ASAH1: variants seen among roughly 807,000 people sequenced by gnomAD.
The protein encoded by ASAH1 is acid ceramidase.
In ASAH1, 70 loss-of-function variants were observed where a neutral mutation model predicts 59.5. That is an observed-to-expected ratio of 1.18 (90% confidence interval 0.97 to 1.43). The LOEUF (loss-of-function observed/expected upper bound fraction) is 1.43. Ranked by LOEUF, ASAH1 falls within the 40% of genes most tolerant of loss-of-function variation. ASAH1 has a pLI of 0.00. For synonymous variants in ASAH1, 213 were observed against 166.5 expected, an observed-to-expected ratio of 1.28 and a Z score of -2.15; for missense variants, 660 against 482.5, an observed-to-expected ratio of 1.37 and a Z score of -3.45.
At chr8:18,084,468 G>A, upstream of ASAH1, 1 of 1,307,302 alleles carries the variant, frequency 7.6e-7, no homozygotes, top group Non-Finnish European at 1.0e-6. Flanking sequence ...GTACCCAGGC[G>A]TCCTCGGTAC....
Position 18,064,182 on chromosome 8 carries a change from G to C in ASAH1, c.457+275C>G, listed in dbSNP as rs947005756. 1.6e-5 allele frequency: 9 copies of C among 569,048 alleles called. No individual in the cohort carries two copies. In the East Asian group the frequency reaches 2.6e-4, roughly 16 times the overall value. The allele number at this position is 569,048 out of a possible 1,614,324, so 35.2% of individuals were successfully genotyped here. On this transcript the variant is annotated intron_variant, in intron 6 of 13. Transcript: ENST00000637790. ...CATCAAAGCATGTAGATGGGTAGAAGTAAACTATGAGGAAGAGAAGAATGT... is the reference window on the plus strand; with the variant it reads ...CATCAAAGCATGTAGATGGGTAGAACTAAACTATGAGGAAGAGAAGAATGT...
chr8:18,076,240 T>C (rs1396671519), intron 1 of ASAH1: 1 of 155,190 alleles, frequency 6.4e-6, no homozygotes, highest in African/African-American at 2.4e-5. Context: ...TGTGAAGTCT[T>C]CATCTATCTT....
chr8:18,061,426 C>T lies in ASAH1; in HGVS notation c.736G>A (p.Val246Ile). ...CTAGTGAGGAACCCTATCCACATGA[C>T]ATCTTTCTTTCCCAGAATCCATTCT... ...ILEWILGKKD[V>I]MWIGFLTRTV... is the part of the protein sequence containing the mutation. Residue 246 changes from valine to isoleucine, a missense_variant, in exon 10 of 14, where the codon GTC becomes ATC. Coordinates refer to ENST00000637790, the MANE Select transcript of ASAH1 (RefSeq NM_177924.5). The T allele has an allele frequency of 6.2e-7, 1 of 1,613,020 alleles. No individual in the cohort carries two copies. The highest frequency in any genetic ancestry group is 8.5e-7 in the Non-Finnish European group (1 of 1,178,940).
chr8:18,082,478 G>C, intron 1 of ASAH1: 1 of 152,040 alleles, frequency 6.6e-6, no homozygotes, highest in Non-Finnish European at 1.5e-5. Flanking sequence ...CCAAGACAAA[G>C]CAATGCCACT....
chr8:18,065,882 T>TTATGTG (rs148853633), intron 5 of ASAH1: 1 of 143,542 alleles, frequency 7.0e-6, no homozygotes, highest in Non-Finnish European at 1.5e-5. Flanking sequence ...CAGATACACA[T>TTATGTG]TGTGTGTGTG....
chr8:18,072,050 A>T (rs1800197551), intron 2 of ASAH1, among the ~76,000 whole-genome samples: 1 of 152,212 alleles, frequency 6.6e-6, no homozygotes, highest in Non-Finnish European at 1.5e-5. Context: ...ATTTCTGAGG[A>T]TATAGCAACA....
rs1403171058 is a variant in ASAH1 at position 18,069,774 on chromosome 8, A to G, written c.303+18T>C. The G allele has an allele frequency of 6.6e-7, 1 of 1,506,780 alleles. No individual in the cohort carries two copies. The highest frequency in any genetic ancestry group is 1.7e-5 in the Admixed American group (1 of 59,610). 93.3% of individuals were successfully genotyped at this position (1,506,780 alleles called of 1,614,324 possible). On this transcript the variant is annotated intron_variant, in intron 4 of 13. Transcript: ENST00000637790. ...TTCTATGTGCTTAACATTTATTGTG[A>G]GAAATAATATCTCTTACCAATTTTT...
intron 1 of ASAH1, chr8:18,075,961 G>A (rs35657706): frequency 0.098 from 31,092 of 318,822 alleles, 1,752 homozygotes; most frequent in Admixed American, 0.13. Context: ...AGCCATGTGT[G>A]TTGCAACCTG....
chr8:18,061,822 G>C (rs1799714762), intron 8 of ASAH1, 82 bp from the exon 9 acceptor site: 2 of 1,287,630 alleles, frequency 1.6e-6, no homozygotes, highest in Admixed American at 2.0e-5. Context: ...TTCAGAGTGG[G>C]ATATAAAGGC....
At chr8:18,069,946 C>CCCATATGTAGCTAAAAGAGAGTGCT in intron 3 of ASAH1, 68 bp from the exon 4 acceptor site, 1 of 1,121,578 alleles carries the variant, frequency 8.9e-7, no homozygotes. Context: ...TTTTGGCTTA[C>CCCATATGTAGCTAAAAGAGAGTGCT]CCATATGTAG....
chr8:18,060,303 T>C (rs1402131850), intron 10 of ASAH1: 3 of 154,210 alleles, frequency 1.9e-5, no homozygotes, highest in Non-Finnish European at 4.3e-5. Flanking sequence ...CAATGTGTTT[T>C]CTAAAAAAGG....
intron 6 of ASAH1, chr8:18,064,152 A>G: frequency 1.9e-6 from 1 of 523,022 alleles, no homozygotes; most frequent in Non-Finnish European, 3.4e-6. Context: ...TCCTGCGAGC[A>G]CTTCCATCAA....
At chr8:18,079,487 G>A (rs1800559983) in intron 1 of ASAH1, among the ~76,000 whole-genome samples, 2 of 150,846 alleles carry the variant, frequency 1.3e-5, no homozygotes, top group South Asian at 4.2e-4. Flanking sequence ...CTCAATGAAA[G>A]CGCCATACCC....
At chr8:18,071,989 C>G (rs1800195706) in intron 2 of ASAH1, among the ~76,000 whole-genome samples, 1 of 152,234 alleles carries the variant, frequency 6.6e-6, no homozygotes. Context: ...CAAGCCCAAG[C>G]TGTATTCTGT....
intron 11 of ASAH1, 29 bp downstream of exon 11, chr8:18,059,543 A>C: frequency 6.2e-7 from 1 of 1,614,122 alleles, no homozygotes; most frequent in Non-Finnish European, 8.5e-7. Flanking sequence ...TTTTGTTTCT[A>C]CTTCTTTTGC....
chr8:18,059,168 CA>C, intron 12 of ASAH1, 172 bp downstream of exon 12: 1 of 1,001,362 alleles, frequency 1.0e-6, no homozygotes, highest in Non-Finnish European at 1.5e-6. Context: ...AAGTACAGCA[CA>C]ATTTTGCTCT....
rs34859055 is a variant in ASAH1, at chr8:18,071,253, T to TATA, written c.216+46_216+47insTAT. The TATA allele has an allele frequency of 0.45, 453,368 of 1,004,226 alleles. 106,751 individuals carry two copies. Among genetic ancestry groups the TATA allele is most frequent in the Admixed American group, 0.55 (15,728 of 28,622 alleles). The allele number at this position is 1,004,226 out of a possible 1,614,324, so 62.2% of individuals were successfully genotyped here. Reference sequence around the variant, plus strand: ...AATAAATAAAAATAAAGAAATAAAATAAAAAATAAAAATAAAGAAATAAAA... The same window carrying TATA: ...AATAAATAAAAATAAAGAAATAAAATATAAAAAAATAAAAATAAAGAAATAAAA... On this transcript the variant is annotated intron_variant, in intron 3 of 13. Coordinates refer to ENST00000637790, the MANE Select transcript of ASAH1 (RefSeq NM_177924.5).
chr8:18,057,602 T>A lies in ASAH1; in HGVS notation c.1120A>T (p.Ile374Leu), dbSNP rs764463279. 6.2e-7 allele frequency: 1 copy of A among 1,603,818 alleles called. No homozygotes were observed. The highest frequency in any genetic ancestry group is 1.3e-5 in the African/African-American group (1 of 74,802). The part of the protein sequence containing the change: ...LNKLTVYTTL[I>L]DVTKGQFETY... The stretch of plus-strand genomic sequence containing the variant: ...TCGAATTGACCTTTGGTAACATCTA[T>A]CAAGGTTGTGTATACGGTCAGCTGA... The change falls in exon 14 of 14, where the codon ATA becomes TTA. Residue 374 changes from isoleucine to leucine, a missense_variant. Ile to Leu is a conservative substitution (Grantham distance 5, BLOSUM62 2). Coordinates refer to ENST00000637790, the MANE Select transcript of ASAH1 (RefSeq NM_177924.5).
chr8:18,065,196 A>G (rs1329112092), intron 5 of ASAH1: 1 of 151,248 alleles, frequency 6.6e-6, no homozygotes, highest in Non-Finnish European at 1.5e-5. Context: ...TTATACATTT[A>G]TAATAATTTA....
Sources: gnomAD v4.1 joint callset for allele counts (sites outside exome capture counted in the v4.1 genomes callset) on GRCh38, gnomAD v4.1.1 for gene constraint, MANE v1.5 for transcripts, NCBI Gene and HGNC (gene_info 2026-07-23, HGNC 2026-07-21) for gene names.